OPCML: variants seen among roughly 807,000 people sequenced by gnomAD.
The protein encoded by OPCML is opioid binding protein/cell adhesion molecule like.
Under a neutral mutation model 37.8 loss-of-function variants are expected in OPCML, and 13 were observed. The observed-to-expected ratio is 0.34, with a 90% CI of 0.22 to 0.55. The LOEUF (loss-of-function observed/expected upper bound fraction) is 0.55, where lower values mean the gene tolerates loss of function less well. OPCML is among the 20% of genes least tolerant of loss of function. OPCML has a pLI of 0.91. For missense variants in OPCML, 341 were observed against 435.6 expected (o/e 0.78, Z 1.93); for synonymous variants, 176 against 168.8 (o/e 1.04, Z -0.33).
At chr11:133,199,311 T>C (rs984578129) in intron 1 of OPCML, among the ~76,000 whole-genome samples, 1 of 152,238 alleles carries the variant, frequency 6.6e-6, no homozygotes, top group African/African-American at 2.4e-5. Flanking sequence ...AATATATTGT[T>C]ATATGTTGCT....
At chr11:132,429,057 A>ATGGT (rs2095987608) in intron 7 of OPCML, among the ~76,000 whole-genome samples, 1 of 151,866 alleles carries the variant, frequency 6.6e-6, no homozygotes, top group South Asian at 2.1e-4. Flanking sequence ...GGATGGATGG[A>ATGGT]TGGATGGATG....
At chr11:133,283,657 T>C (rs934980574) in intron 1 of OPCML, among the ~76,000 whole-genome samples, 1 of 152,184 alleles carries the variant, frequency 6.6e-6, no homozygotes, top group Non-Finnish European at 1.5e-5. Flanking sequence ...CCAGATGGGT[T>C]TGCCCTTTAG....
intron 1 of OPCML, among the ~76,000 whole-genome samples, chr11:133,500,696 A>G (rs954801349): frequency 5.3e-5 from 8 of 152,190 alleles, no homozygotes; most frequent in Non-Finnish European, 8.8e-5. Context: ...GCATCTAGCC[A>G]ATTTCTGCTC....
intron 2 of OPCML, among the ~76,000 whole-genome samples, chr11:132,818,354 C>T (rs1939749379): frequency 6.6e-6 from 1 of 151,972 alleles, no homozygotes; most frequent in South Asian, 2.1e-4. Flanking sequence ...GGGCTTTGAG[C>T]AAAGTCGACT....
At chr11:132,954,872 A>G (rs1945944197) in intron 1 of OPCML, among the ~76,000 whole-genome samples, 1 of 151,958 alleles carries the variant, frequency 6.6e-6, no homozygotes, top group South Asian at 2.1e-4. Flanking sequence ...ATAGAAGGAA[A>G]CTCAGGATCG....
intron 2 of OPCML, among the ~76,000 whole-genome samples, chr11:132,892,492 G>A (rs1360752809): frequency 6.6e-6 from 1 of 152,184 alleles, no homozygotes; most frequent in Non-Finnish European, 1.5e-5. Context: ...TTCTTGGCCG[G>A]GCATGGTGGC....
At chr11:133,011,016 TA>T (rs1947202437) in intron 1 of OPCML, among the ~76,000 whole-genome samples, 1 of 152,184 alleles carries the variant, frequency 6.6e-6, no homozygotes, top group African/African-American at 2.4e-5. Flanking sequence ...GGAATTTTTT[TA>T]GAAAGATGTA....
intron 3 of OPCML, among the ~76,000 whole-genome samples, chr11:132,602,127 C>A (rs373770470): frequency 1.3e-5 from 2 of 152,238 alleles, no homozygotes; most frequent in South Asian, 2.1e-4. Context: ...AGACACACAT[C>A]GCAGCAGAGC....
Position 133,316,414 on chromosome 11 carries a change from T to G in OPCML, c.61+215850A>C, listed in dbSNP as rs143512360. Among the ~76,000 whole-genome samples, 1,007 of 152,028 alleles carry G rather than the reference T, an allele frequency of 6.6e-3. 2 individuals carry two copies. Among genetic ancestry groups the G allele is most frequent in the Middle Eastern group, 0.014 (4 of 294 alleles). On this transcript the variant is annotated intron_variant, in intron 1 of 7. Coordinates refer to ENST00000524381, the MANE Select transcript of OPCML (RefSeq NM_001012393.5). The stretch of plus-strand genomic sequence containing the variant: ...AATACCACATGTCCTCACTCATAAG[T>G]GGGAGTTGAAGAATGAGAACACATG...
intron 3 of OPCML, among the ~76,000 whole-genome samples, chr11:132,535,127 C>T (rs935009771): frequency 6.6e-5 from 10 of 150,494 alleles, no homozygotes; most frequent in African/African-American, 2.2e-4. Context: ...TTCATATCTA[C>T]ATAGAGTATA....
At chr11:132,626,816 CTCTCT>C (rs1315945685) in intron 3 of OPCML, among the ~76,000 whole-genome samples, 6 of 18,198 alleles carry the variant, frequency 3.3e-4, no homozygotes, top group African/African-American at 1.0e-3. Flanking sequence ...GGAAGTTTCT[CTCTCT>C]CTCTCTCTCT....
intron 1 of OPCML, among the ~76,000 whole-genome samples, chr11:133,472,522 G>T (rs574799244): frequency 2.0e-5 from 3 of 151,628 alleles, no homozygotes; most frequent in Non-Finnish European, 4.4e-5. Flanking sequence ...GGCAAACCCC[G>T]ATCTTCGGCT....
chr11:132,847,714 A>G (rs909608704), intron 2 of OPCML, among the ~76,000 whole-genome samples: 2 of 152,202 alleles, frequency 1.3e-5, no homozygotes, highest in African/African-American at 4.8e-5. Flanking sequence ...AAACTTTTGA[A>G]GTACAGTCTT....
At chr11:132,725,922 C>A (rs564179833) in intron 2 of OPCML, among the ~76,000 whole-genome samples, 1 of 152,284 alleles carries the variant, frequency 6.6e-6, no homozygotes, top group African/African-American at 2.4e-5. Flanking sequence ...TACCTTTGCT[C>A]TAGTTTCCCC....
At chr11:132,766,560 T>C (rs1200783607) in intron 2 of OPCML, among the ~76,000 whole-genome samples, 1 of 152,166 alleles carries the variant, frequency 6.6e-6, no homozygotes, top group African/African-American at 2.4e-5. Flanking sequence ...AAGTCTCTGT[T>C]GAGACCCTTT....
At chr11:132,703,667 G>A (rs1319005196) in intron 2 of OPCML, among the ~76,000 whole-genome samples, 2 of 152,182 alleles carry the variant, frequency 1.3e-5, no homozygotes, top group Admixed American at 1.3e-4. Context: ...TAGAGAGACT[G>A]ATCTAAAGAG....
intron 1 of OPCML, among the ~76,000 whole-genome samples, chr11:132,983,812 G>A (rs190261475): frequency 7.2e-5 from 11 of 152,276 alleles, no homozygotes; most frequent in East Asian, 3.9e-4. Flanking sequence ...TTCTTCTGAG[G>A]CAAAGCCAAT....
chr11:133,429,955 G>A (rs1378569664), intron 1 of OPCML, among the ~76,000 whole-genome samples: 3 of 152,206 alleles, frequency 2.0e-5, no homozygotes, highest in Admixed American at 6.5e-5. Flanking sequence ...CAGGAGCAGT[G>A]AGTCTGGATG....
At chr11:132,771,643 C>T (rs1591587204) in intron 2 of OPCML, 1 of 152,158 alleles carries the variant, frequency 6.6e-6, no homozygotes, top group African/African-American at 2.4e-5. Context: ...TAAGTTTATT[C>T]CCTAGTGAAG....
Sources: allele counts gnomAD v4.1 joint callset (sites outside exome capture counted in the v4.1 genomes callset), GRCh38; gene constraint gnomAD v4.1.1; transcripts MANE v1.5; gene names NCBI Gene and HGNC (gene_info 2026-07-23, HGNC 2026-07-21).